CDH11: variants seen among roughly 807,000 people sequenced by gnomAD.
CDH11 encodes the protein cadherin-11.
CDH11 carries 11 observed loss-of-function variants against 67.8 expected under a neutral mutation model. The observed-to-expected ratio is 0.16, with a 90% CI of 0.10 to 0.27. The LOEUF (loss-of-function observed/expected upper bound fraction) is 0.27. Among genes scored for constraint, CDH11 ranks in the 10% least tolerant of loss-of-function variants. CDH11 has a pLI of 1.00. For missense variants in CDH11, 847 were observed against 1,031.2 expected (o/e 0.82, Z 2.45); for synonymous variants, 419 against 400.0 (o/e 1.05, Z -0.57).
chr16:64,993,073 G>A (rs1567514709), intron 4 of CDH11, 39 bp from the exon 5 acceptor site: 1 of 1,553,502 alleles, frequency 6.4e-7, no homozygotes, highest in East Asian at 2.2e-5. Flanking sequence ...CATCTCCTCA[G>A]ATTTTCAAAT....
At chr16:64,964,384 A>C (rs1312377325) in intron 11 of CDH11, among the ~76,000 whole-genome samples, 1 of 152,160 alleles carries the variant, frequency 6.6e-6, no homozygotes, top group African/African-American at 2.4e-5. Flanking sequence ...AACATAGAAA[A>C]AGTACAGTAA....
At position 64,950,754 on chromosome 16, in the gene CDH11, G is replaced by A. The variant is rs1318372148; in HGVS notation, c.1894+13C>T. 1.9e-6 allele frequency: 3 copies of A among 1,611,070 alleles called. No homozygotes were observed. Among genetic ancestry groups the A allele is most frequent in the Non-Finnish European group, 2.5e-6 (3 of 1,177,664 alleles). On this transcript the variant is annotated intron_variant, in intron 12 of 12. Coordinates refer to ENST00000268603, the MANE Select transcript of CDH11 (RefSeq NM_001797.4). The stretch of plus-strand genomic sequence containing the variant: ...CCTGGCCCTTCCTGCAGGGGACCAG[G>A]AAGCGCCCTTACCCAGGAGAATGAC...
intron 1 of CDH11, among the ~76,000 whole-genome samples, chr16:65,102,155 G>A (rs951180014): frequency 6.6e-6 from 1 of 152,142 alleles, no homozygotes; most frequent in Non-Finnish European, 1.5e-5. Flanking sequence ...CAGCTAATAC[G>A]ACTTTTAAGG....
At chr16:65,084,063 C>T (rs907602628) in intron 1 of CDH11, among the ~76,000 whole-genome samples, 6 of 152,076 alleles carry the variant, frequency 3.9e-5, no homozygotes, top group African/African-American at 7.2e-5. Flanking sequence ...ACGACAGTCC[C>T]CCACAGTCAA....
intron 2 of CDH11, among the ~76,000 whole-genome samples, chr16:65,014,158 C>T (rs1195817641): frequency 1.3e-5 from 2 of 152,106 alleles, no homozygotes; most frequent in Non-Finnish European, 2.9e-5. Flanking sequence ...AGTCCACTGT[C>T]TATTAAGGAG....
chr16:65,076,065 C>G (rs2074503883), intron 1 of CDH11, among the ~76,000 whole-genome samples: 1 of 152,118 alleles, frequency 6.6e-6, no homozygotes, highest in African/African-American at 2.4e-5. Flanking sequence ...GAGCTGCAGT[C>G]CCCGTAGAAT....
intron 1 of CDH11, among the ~76,000 whole-genome samples, chr16:65,115,319 CA>C (rs1377180789): frequency 3.9e-5 from 6 of 152,034 alleles, no homozygotes; most frequent in African/African-American, 1.4e-4. Context: ...TTTACGAAAT[CA>C]TTCAAAAAAG....
intron 8 of CDH11, among the ~76,000 whole-genome samples, chr16:64,975,815 C>A (rs971787302): frequency 1.3e-5 from 2 of 151,882 alleles, no homozygotes; most frequent in Non-Finnish European, 2.9e-5. Flanking sequence ...CACAATATAA[C>A]CATTAACTAA....
chr16:65,057,033 T>C (rs2074155086), intron 1 of CDH11, among the ~76,000 whole-genome samples: 2 of 152,120 alleles, frequency 1.3e-5, no homozygotes. Flanking sequence ...TATACAATTA[T>C]ATCATGTTTC....
At chr16:65,027,648 C>T (rs770597689) in intron 2 of CDH11, among the ~76,000 whole-genome samples, 5 of 152,208 alleles carry the variant, frequency 3.3e-5, no homozygotes, top group Admixed American at 6.5e-5. Context: ...AAGATGTCCA[C>T]GACAGAAAGG....
intron 1 of CDH11, among the ~76,000 whole-genome samples, chr16:65,055,954 CTT>C (rs1444398180): frequency 6.6e-6 from 1 of 152,180 alleles, no homozygotes; most frequent in Non-Finnish European, 1.5e-5. Flanking sequence ...AGAGCTCTCT[CTT>C]TGTTTCTGCC....
At chr16:64,994,182 T>A (rs963978259) in intron 4 of CDH11, among the ~76,000 whole-genome samples, 6 of 152,178 alleles carry the variant, frequency 3.9e-5, no homozygotes, top group Admixed American at 6.5e-5. Flanking sequence ...TTCTAGTTAC[T>A]CTTCTATAAT....
At chr16:65,071,633 T>G (rs2074418632) in intron 1 of CDH11, among the ~76,000 whole-genome samples, 1 of 152,078 alleles carries the variant, frequency 6.6e-6, no homozygotes, top group African/African-American at 2.4e-5. Flanking sequence ...GACACCACAA[T>G]CTGGCGATGG....
chr16:64,970,847 A>G (rs1247380664), intron 11 of CDH11, among the ~76,000 whole-genome samples: 1 of 152,204 alleles, frequency 6.6e-6, no homozygotes, highest in African/African-American at 2.4e-5. Context: ...CAATTTCACT[A>G]CCAAGTAATG....
intron 1 of CDH11, among the ~76,000 whole-genome samples, chr16:65,099,339 A>T (rs2074951355): frequency 6.6e-6 from 1 of 152,222 alleles, no homozygotes; most frequent in Non-Finnish European, 1.5e-5. Flanking sequence ...TTGAGGACCT[A>T]TGTGGTACAT....
intron 11 of CDH11, among the ~76,000 whole-genome samples, chr16:64,951,230 A>G (rs2071354896): frequency 6.6e-6 from 1 of 152,228 alleles, no homozygotes; most frequent in Non-Finnish European, 1.5e-5. Context: ...TAAATCTCAG[A>G]AACAGGCTCT....
intron 12 of CDH11, chr16:64,948,888 T>C: frequency 1.2e-6 from 1 of 829,860 alleles, no homozygotes; most frequent in South Asian, 1.9e-5. Flanking sequence ...AATATTCCAT[T>C]AGAAGGCTCT....
intron 2 of CDH11, among the ~76,000 whole-genome samples, chr16:65,008,522 A>G (rs1443552632): frequency 6.6e-6 from 1 of 152,232 alleles, no homozygotes; most frequent in Non-Finnish European, 1.5e-5. Flanking sequence ...AGCTTTACAA[A>G]TAGTAACTCA....
chr16:65,048,696 G>A (rs1034098664), intron 2 of CDH11, among the ~76,000 whole-genome samples: 5 of 151,630 alleles, frequency 3.3e-5, no homozygotes, highest in African/African-American at 1.2e-4. Context: ...GTGTGTATAT[G>A]TAGATATAGA....
Sources: allele counts gnomAD v4.1 joint callset (sites outside exome capture counted in the v4.1 genomes callset), GRCh38; gene constraint gnomAD v4.1.1; transcripts MANE v1.5; gene names NCBI Gene and HGNC (gene_info 2026-07-23, HGNC 2026-07-21).